The following MOV10L1 variants were observed in gnomAD, a reference collection of about 807,000 sequenced individuals.
MOV10L1 encodes RNA helicase Mov10l1.
Under a neutral mutation model 143.8 loss-of-function variants are expected in MOV10L1, and 110 were observed. The observed-to-expected ratio is 0.76, with a 90% CI of 0.66 to 0.90. The LOEUF is 0.90. Ranked by LOEUF, MOV10L1 falls within the 40% of genes least tolerant of loss-of-function variation. MOV10L1 has a pLI of 0.00. For synonymous variants in MOV10L1, 593 were observed against 581.1 expected (o/e 1.02, Z -0.29); for missense variants, 1,406 against 1,526.8 (o/e 0.92, Z 1.32).
rs2063390443 is a variant in MOV10L1, at chr22:50,155,019, G to C, written c.3066+1801G>C. On this transcript the variant is annotated intron_variant, in intron 22 of 26. Coordinates refer to ENST00000262794, the MANE Select transcript of MOV10L1 (RefSeq NM_018995.3). Reference sequence around the variant, plus strand: ...AGCCCAGTCTATAGTGATTTCACATGATTTCTTCTTTATCTTTCTTAGTCA... The same window carrying C: ...AGCCCAGTCTATAGTGATTTCACATCATTTCTTCTTTATCTTTCTTAGTCA... Among the ~76,000 whole-genome samples the C allele has an allele frequency of 2.0e-5, 3 of 152,094 alleles. No homozygotes were observed. The South Asian group carries it at 6.2e-4, about 31-fold the overall frequency.
intron 8 of MOV10L1, 149 bp from the exon 9 acceptor site, chr22:50,117,008 G>A: frequency 1.3e-6 from 1 of 758,546 alleles, no homozygotes; most frequent in South Asian, 2.2e-5. Flanking sequence ...GCTTATTTTA[G>A]AAGATCTCTT....
chr22:50,134,808 GAGTATTA>G (rs1302039466), intron 15 of MOV10L1, among the ~76,000 whole-genome samples, 178 bp downstream of exon 15: 3 of 152,180 alleles, frequency 2.0e-5, no homozygotes, highest in Non-Finnish European at 4.4e-5. Flanking sequence ...TAGTTGACTG[GAGTATTA>G]GAGCAGTGTG....
chr22:50,140,729 C>CTTTT (rs3042026), intron 15 of MOV10L1, among the ~76,000 whole-genome samples: 33,406 of 147,524 alleles, frequency 0.23, 4,052 homozygotes, highest in Admixed American at 0.35. Flanking sequence ...TAACGTGAAA[C>CTTTT]TTTTTTTTTT....
At chr22:50,115,272 G>A in intron 8 of MOV10L1, 26 bp downstream of exon 8, 3 of 1,469,724 alleles carry the variant, frequency 2.0e-6, no homozygotes, top group Non-Finnish European at 1.8e-6. Context: ...TCTGGGGAGA[G>A]CCGCGTTTTT....
At chr22:50,106,683 G>C (rs1241167107) in intron 3 of MOV10L1, among the ~76,000 whole-genome samples, 1 of 150,134 alleles carries the variant, frequency 6.7e-6, no homozygotes, top group Admixed American at 6.8e-5. Context: ...ATTAAATTGT[G>C]GTTTTAGGAC....
chr22:50,128,527 T>G lies in MOV10L1; in HGVS notation c.1910+20T>G. On this transcript the variant is annotated intron_variant, in intron 13 of 26. Transcript: ENST00000262794. The stretch of plus-strand genomic sequence containing the variant: ...TAATAGGTAATGCTTTTAGTGAGTC[T>G]TCTTTCAAATGTCTTTTTTTTTTTT... The G allele has an allele frequency of 8.8e-7, 1 of 1,140,212 alleles. No individual in the cohort carries two copies. 70.6% of individuals were successfully genotyped at this position (1,140,212 alleles called of 1,614,324 possible).
intron 15 of MOV10L1, among the ~76,000 whole-genome samples, 165 bp from the exon 16 acceptor site, chr22:50,141,916 T>C (rs2062998678): frequency 6.6e-6 from 1 of 152,196 alleles, no homozygotes; most frequent in African/African-American, 2.4e-5. Flanking sequence ...TATCTGATCG[T>C]TTGTTTTTTC....
chr22:50,133,532 C>T (rs1156474891), intron 13 of MOV10L1, among the ~76,000 whole-genome samples: 3 of 145,398 alleles, frequency 2.1e-5, no homozygotes, highest in Non-Finnish European at 4.5e-5. Context: ...CTTTGGTATT[C>T]TCTAGTGGTT....
At chr22:50,145,253 G>A (rs9617105) in intron 18 of MOV10L1, among the ~76,000 whole-genome samples, 34,508 of 152,064 alleles carry the variant, frequency 0.23, 4,285 homozygotes, top group Admixed American at 0.35. Flanking sequence ...GAAATATTGC[G>A]TTTAAAAAAG....
At chr22:50,160,900 G>A (rs918828619) in intron 25 of MOV10L1, 64 bp from the exon 26 acceptor site, 22 of 1,612,696 alleles carry the variant, frequency 1.4e-5, no homozygotes, top group Non-Finnish European at 1.7e-5. Context: ...TGAGACGTAC[G>A]AGGCACCAGG....
At chr22:50,090,676 T>TTG (rs150705221) in intron 1 of MOV10L1, 96,616 of 791,642 alleles carry the variant, frequency 0.12, 4,796 homozygotes, top group East Asian at 0.29. Flanking sequence ...CCTGAGGTGT[T>TTG]TGTGTGTGTG....
intron 10 of MOV10L1, 24 bp downstream of exon 10, chr22:50,120,640 G>A (rs1414576522): frequency 8.6e-6 from 13 of 1,510,058 alleles, no homozygotes; most frequent in Non-Finnish European, 1.2e-5. Flanking sequence ...CATGGCCTGT[G>A]GGGTGTTGGC....
At position 50,126,211 on chromosome 22, in the gene MOV10L1, TGATTTTAAAAACTCAAGAGTACAATG is replaced by T; in HGVS notation, c.1760_1785del (p.Ile587ThrfsTer11). ...TATATTTTTTAACTAGGTGATAAACTGATTTTAAAAACTCAAGAGTACAATGGACATGCCATCGAATACATCAGCTA... is the reference window on the plus strand; with the variant it reads ...TATATTTTTTAACTAGGTGATAAACTGACATGCCATCGAATACATCAGCTA... On this transcript the variant is annotated frameshift_variant, in exon 12 of 27. Transcript: ENST00000262794. LOFTEE classifies it high-confidence loss of function. The T allele has an allele frequency of 6.2e-7, 1 of 1,606,806 alleles. No individual in the cohort carries two copies. Among genetic ancestry groups the T allele is most frequent in the South Asian group, 1.1e-5 (1 of 90,850 alleles).
At chr22:50,099,719 A>AGGAGGATCGCTTGAGCCCAGGAGTT in intron 3 of MOV10L1, 117 bp downstream of exon 3, 1 of 1,254,746 alleles carries the variant, frequency 8.0e-7, no homozygotes. Context: ...AGGCTGAGAC[A>AGGAGGATCGCTTGAGCCCAGGAGTT]GGAGGATCGC....
intron 9 of MOV10L1, 85 bp downstream of exon 9, chr22:50,117,436 T>C: frequency 7.0e-7 from 1 of 1,427,796 alleles, no homozygotes; most frequent in Non-Finnish European, 9.5e-7. Flanking sequence ...AAGCGGTGGC[T>C]ACCACCTGGC....
Position 50,128,485 on chromosome 22 carries a change from G to C in MOV10L1, c.1888G>C (p.Asp630His). The C allele has an allele frequency of 5.9e-6, 9 of 1,538,426 alleles. No homozygotes were observed. Among genetic ancestry groups the C allele is most frequent in the Non-Finnish European group, 8.0e-6 (9 of 1,118,594 alleles). Reference protein sequence around the residue: ...FEQAYNFEPMDVEFTYNRTTS... With the variant: ...FEQAYNFEPMHVEFTYNRTTS... ...ACAAGCCTATAACTTTGAACCTATG[G>C]ATGTGGAATTTACATATAATAGGTA... Residue 630 changes from aspartate to histidine, a missense_variant, in exon 13 of 27, where the codon GAT (aspartate) becomes CAT (histidine). By Grantham distance (81) the Asp-to-His change is moderately conservative. This residue lies in a region of MOV10L1 where 1,233 missense variants were observed against 1,351.4 expected (regional missense o/e 0.91). Transcript: ENST00000262794.
chr22:50,140,243 G>A (rs1405656860), intron 15 of MOV10L1, among the ~76,000 whole-genome samples: 2 of 152,230 alleles, frequency 1.3e-5, no homozygotes, highest in Admixed American at 6.5e-5. Flanking sequence ...GAGAGCATGT[G>A]AGCCAGCCAG....
At chr22:50,091,291 G>C (rs1033201771) in intron 1 of MOV10L1, 1 of 167,334 alleles carries the variant, frequency 6.0e-6, no homozygotes, top group African/African-American at 2.4e-5. Context: ...TTCCTCCCGT[G>C]GCTGGGAAGC....
chr22:50,114,654 G>A, intron 7 of MOV10L1, 32 bp downstream of exon 7: 3 of 1,609,146 alleles, frequency 1.9e-6, no homozygotes, highest in Non-Finnish European at 2.5e-6. Context: ...ACTGCGTGAG[G>A]TCGGGTGGGC....
Sources: allele counts gnomAD v4.1 joint callset (sites outside exome capture counted in the v4.1 genomes callset), GRCh38; gene constraint gnomAD v4.1.1; regional missense constraint gnomAD v4.1.1; transcripts MANE v1.5; gene names NCBI Gene and HGNC (gene_info 2026-07-23, HGNC 2026-07-21).